IL2RB: variants seen among roughly 807,000 people sequenced by gnomAD.
The protein encoded by IL2RB is interleukin-2 receptor subunit beta.
IL2RB carries 17 observed loss-of-function variants against 44.2 expected under a neutral mutation model. That is an observed-to-expected ratio of 0.38 (90% confidence interval 0.26 to 0.58). IL2RB has a LOEUF of 0.58. Among genes scored for constraint, IL2RB ranks in the 20% least tolerant of loss-of-function variants. IL2RB has a pLI of 0.63. For missense variants in IL2RB, 624 were observed against 685.5 expected, an observed-to-expected ratio of 0.91 and a Z score of 1.00; for synonymous variants, 286 against 297.9, an observed-to-expected ratio of 0.96 and a Z score of 0.41.
At chr22:37,131,895 C>A (rs1378103918) in intron 9 of IL2RB, among the ~76,000 whole-genome samples, 1 of 152,076 alleles carries the variant, frequency 6.6e-6, no homozygotes, top group East Asian at 1.9e-4. Flanking sequence ...CACCACCAGC[C>A]CGGCTAATTT....
intron 8 of IL2RB, among the ~76,000 whole-genome samples, chr22:37,133,794 G>A (rs1335870994): frequency 1.3e-5 from 2 of 152,174 alleles, no homozygotes; most frequent in African/African-American, 2.4e-5. Context: ...GCCGCCACAG[G>A]CCCAGGCTCA....
intron 1 of IL2RB, among the ~76,000 whole-genome samples, chr22:37,170,003 G>A (rs1036595600): frequency 6.6e-6 from 1 of 152,088 alleles, no homozygotes; most frequent in Non-Finnish European, 1.5e-5. Flanking sequence ...GAAGAAGGAT[G>A]AATGGGGGGA....
At chr22:37,161,493 G>T (rs1338067476) in intron 1 of IL2RB, among the ~76,000 whole-genome samples, 1 of 152,134 alleles carries the variant, frequency 6.6e-6, no homozygotes, top group African/African-American at 2.4e-5. Flanking sequence ...ATGTGACCAG[G>T]CTGCCCAATC....
chr22:37,148,996 C>T (rs1032470983), intron 1 of IL2RB, among the ~76,000 whole-genome samples: 4 of 152,252 alleles, frequency 2.6e-5, no homozygotes, highest in African/African-American at 9.6e-5. Flanking sequence ...TTGTCTCTTG[C>T]TATTTAACTT....
At chr22:37,156,551 T>A (rs1387716141) in intron 1 of IL2RB, among the ~76,000 whole-genome samples, 3 of 152,142 alleles carry the variant, frequency 2.0e-5, no homozygotes, top group Non-Finnish European at 4.4e-5. Context: ...CTATTCAAGC[T>A]CCACCCATCA....
intron 3 of IL2RB, chr22:37,142,843 T>G: frequency 2.3e-6 from 1 of 439,504 alleles, no homozygotes; most frequent in Non-Finnish European, 4.3e-6. Context: ...AGATCCTTAA[T>G]TAGGCCTTCA....
intron 1 of IL2RB, among the ~76,000 whole-genome samples, chr22:37,145,969 C>T (rs1922204984): frequency 6.6e-6 from 1 of 152,188 alleles, no homozygotes; most frequent in Non-Finnish European, 1.5e-5. Flanking sequence ...CCCCAAGCCT[C>T]CACGTCCCTC....
chr22:37,165,130 G>T (rs1053100533), intron 1 of IL2RB, among the ~76,000 whole-genome samples: 1 of 152,214 alleles, frequency 6.6e-6, no homozygotes, highest in Non-Finnish European at 1.5e-5. Context: ...ACTGAGGCAC[G>T]GGGAGGTTAA....
intron 1 of IL2RB, among the ~76,000 whole-genome samples, chr22:37,149,104 G>A (rs1392477815): frequency 2.0e-5 from 3 of 152,096 alleles, no homozygotes; most frequent in Non-Finnish European, 4.4e-5. Context: ...CCTCCCCCGA[G>A]GTGCTACAAA....
In IL2RB at chr22:37,128,393, CTCT is replaced by C; in HGVS notation, c.1356_1358del (p.Glu453del). 1 of 1,512,442 alleles carries C rather than the reference CTCT, an allele frequency of 6.6e-7. No homozygotes were observed. The highest frequency in any genetic ancestry group is 8.8e-7 in the Non-Finnish European group (1 of 1,131,714). The allele number at this position is 1,512,442 out of a possible 1,614,324, so 93.7% of individuals were successfully genotyped here. A position where few individuals can be genotyped will look rare whatever the true frequency, so the allele number is the denominator to read the frequency against. On this transcript the variant is annotated inframe_deletion, in exon 10 of 10. Transcript: ENST00000216223. The surrounding 1 kb of genome is among the most constrained non-coding windows in gnomAD (Gnocchi z 4.5). ...TTTCTTGCAAAGAAGGGGGCATCCT[CTCT>C]TCACCGGCCCCACTGCCCCCAGGGG...
chr22:37,150,692 T>C (rs972522690), upstream of IL2RB, among the ~76,000 whole-genome samples: 2 of 152,228 alleles, frequency 1.3e-5, no homozygotes, highest in Admixed American at 6.5e-5. Context: ...GATCTAATTC[T>C]GTTTTCGTAC....
chr22:37,137,449 T>G (rs916843238), intron 6 of IL2RB, 138 bp downstream of exon 6: 7 of 833,974 alleles, frequency 8.4e-6, no homozygotes, highest in Non-Finnish European at 1.4e-5. Flanking sequence ...CCCCAGGCAG[T>G]GCAGAAAGAG....
chr22:37,136,116 G>C (rs922366149), intron 7 of IL2RB, 112 bp downstream of exon 7: 11 of 1,163,838 alleles, frequency 9.5e-6, no homozygotes, highest in Admixed American at 9.3e-5. Context: ...GCAAGTGAGG[G>C]ATGGAGCTGA....
intron 1 of IL2RB, among the ~76,000 whole-genome samples, chr22:37,172,272 A>G (rs796375404): frequency 2.0e-5 from 3 of 151,430 alleles, no homozygotes; most frequent in African/African-American, 7.3e-5. Context: ...TAGAGCCCCA[A>G]CCAAACCTGC....
Position 37,144,146 on chromosome 22 carries a change from A to C in IL2RB, c.27T>G (p.Arg9=). 5 of 1,551,932 alleles carry C rather than the reference A, an allele frequency of 3.2e-6. No homozygotes were observed. Among genetic ancestry groups the C allele is most frequent in the Non-Finnish European group, 4.4e-6 (5 of 1,147,136 alleles). The part of the protein sequence containing the change: MAAPALSW[R]LPLLILLLPL... ...GCAGGAGGAGGATGAGGAGGGGCAG[A>C]CGCCAGGACAGAGCAGGGGCCGCCA... The change falls in exon 2 of 10, where the codon CGT becomes CGG. Residue 9 remains arginine, a synonymous_variant. Coordinates refer to ENST00000216223, the MANE Select transcript of IL2RB (RefSeq NM_000878.5).
chr22:37,152,037 G>A (rs763820685), upstream of IL2RB, among the ~76,000 whole-genome samples: 1 of 152,138 alleles, frequency 6.6e-6, no homozygotes, highest in Non-Finnish European at 1.5e-5. Flanking sequence ...GCTTAGGATG[G>A]CTTTGGCTAC....
chr22:37,170,531 T>C (rs1362252404), intron 1 of IL2RB, among the ~76,000 whole-genome samples: 3 of 152,088 alleles, frequency 2.0e-5, no homozygotes, highest in African/African-American at 7.2e-5. Context: ...ATGACAGGCG[T>C]GGCCTCTTGG....
At chr22:37,148,884 C>T (rs1360865970) in intron 1 of IL2RB, among the ~76,000 whole-genome samples, 1 of 151,986 alleles carries the variant, frequency 6.6e-6, no homozygotes, top group Non-Finnish European at 1.5e-5. Context: ...GCTCGGGAGC[C>T]CATGGTTCAT....
At chr22:37,144,257 C>T (rs1162998891) in intron 1 of IL2RB, 52 bp from the exon 2 acceptor site, 12 of 1,488,282 alleles carry the variant, frequency 8.1e-6, no homozygotes, top group Middle Eastern at 2.1e-4. Context: ...TCCCAGGCCT[C>T]GCTGCCCCTA....
Sources: allele counts gnomAD v4.1 joint callset (sites outside exome capture counted in the v4.1 genomes callset), GRCh38; gene constraint gnomAD v4.1.1; non-coding constraint Gnocchi (gnomAD v3.1); transcripts MANE v1.5; gene names NCBI Gene and HGNC (gene_info 2026-07-23, HGNC 2026-07-21).